Variants in ATF2 observed in about 807,000 individuals in gnomAD.
ATF2 encodes activating transcription factor 2.
ATF2 carries 24 observed loss-of-function variants against 60.6 expected under a neutral mutation model. The ratio of observed to expected loss-of-function variants is 0.40; its 90% CI spans 0.29 to 0.56. The LOEUF (loss-of-function observed/expected upper bound fraction) is 0.56, where lower values mean the gene tolerates loss of function less well. ATF2 is among the 20% of genes least tolerant of loss of function. The pLI is 0.54. For synonymous variants in ATF2, 206 were observed against 215.4 expected, an observed-to-expected ratio of 0.96 and a Z score of 0.38; for missense variants, 433 against 607.7, an observed-to-expected ratio of 0.71 and a Z score of 3.02.
rs1210588745 is a variant in ATF2, at chr2:175,114,627, AAAAATCATTAC to A, written c.626+52_626+62del. On this transcript the variant is annotated intron_variant, in intron 8 of 13. Coordinates refer to ENST00000264110, the MANE Select transcript of ATF2 (RefSeq NM_001880.4). ...AGTTTGAATAATCAAATGTCTTAGGAAAAATCATTACAAAACAAACTTAATTCATGTATATG... is the reference window on the plus strand; with the variant it reads ...AGTTTGAATAATCAAATGTCTTAGGAAAAACAAACTTAATTCATGTATATG... The A allele has an allele frequency of 9.0e-6, 14 of 1,561,354 alleles. No homozygotes were observed. In the Admixed American group the frequency reaches 2.3e-4, roughly 26 times the overall value.
intron 3 of ATF2, among the ~76,000 whole-genome samples, chr2:175,136,096 T>C (rs1559102101): frequency 6.6e-6 from 1 of 151,100 alleles, no homozygotes; most frequent in South Asian, 2.1e-4. Context: ...ACCCAGAGTA[T>C]GGCATTTTTG....
At chr2:175,121,342 T>C (rs1235945876) in intron 5 of ATF2, 102 bp downstream of exon 5, 4 of 633,244 alleles carry the variant, frequency 6.3e-6, no homozygotes, top group Non-Finnish European at 7.4e-6. Flanking sequence ...AATGAAGTCA[T>C]TGGAATATCA....
chr2:175,117,959 C>A, intron 7 of ATF2, 31 bp downstream of exon 7: 2 of 1,577,654 alleles, frequency 1.3e-6, no homozygotes, highest in South Asian at 1.2e-5. Context: ...CTGTTCCTCC[C>A]CCTTACTTTG....
chr2:175,138,316 T>C (rs1302356922), intron 2 of ATF2, among the ~76,000 whole-genome samples: 1 of 152,210 alleles, frequency 6.6e-6, no homozygotes, highest in Non-Finnish European at 1.5e-5. Context: ...CAAATCAAGA[T>C]AGATACCTGC....
chr2:175,092,362 T>C (rs578162811), intron 12 of ATF2: 13 of 162,060 alleles, frequency 8.0e-5, no homozygotes, highest in South Asian at 1.6e-4. Flanking sequence ...CAGTTTAAGA[T>C]TATATAGGAG....
intron 1 of ATF2, among the ~76,000 whole-genome samples, chr2:175,151,699 G>A (rs1699326387): frequency 6.6e-6 from 1 of 152,112 alleles, no homozygotes; most frequent in African/African-American, 2.4e-5. Context: ...ACAACGGAAT[G>A]ACAGAACACT....
intron 13 of ATF2, among the ~76,000 whole-genome samples, chr2:175,075,996 A>T (rs1233230867): frequency 6.6e-6 from 1 of 152,140 alleles, no homozygotes; most frequent in African/African-American, 2.4e-5. Flanking sequence ...AAATCTAAGA[A>T]TGTGTATTGG....
intron 1 of ATF2, among the ~76,000 whole-genome samples, chr2:175,154,225 G>GAAAAAA (rs748103537): frequency 7.1e-6 from 1 of 141,600 alleles, no homozygotes; most frequent in African/African-American, 2.6e-5. Context: ...AAAAAGAAAA[G>GAAAAAA]AAAAAAAAAA....
chr2:175,105,750 G>T (rs1230951491), intron 10 of ATF2, among the ~76,000 whole-genome samples: 1 of 152,034 alleles, frequency 6.6e-6, no homozygotes, highest in African/African-American at 2.4e-5. Flanking sequence ...TGATCTATTA[G>T]AAAATGGAAA....
chr2:175,095,115 TGAGATG>T (rs1271479307), intron 11 of ATF2, among the ~76,000 whole-genome samples: 1 of 151,952 alleles, frequency 6.6e-6, no homozygotes, highest in Non-Finnish European at 1.5e-5. Flanking sequence ...TTTTTTTTTT[TGAGATG>T]GAGTCTCGCT....
intron 10 of ATF2, among the ~76,000 whole-genome samples, chr2:175,103,491 G>A (rs990021317): frequency 3.3e-5 from 5 of 152,008 alleles, no homozygotes; most frequent in African/African-American, 1.2e-4. Context: ...TGATTAGCTC[G>A]GCATGCAGAG....
intron 12 of ATF2, among the ~76,000 whole-genome samples, chr2:175,081,380 C>T (rs1403816279): frequency 6.6e-6 from 1 of 152,142 alleles, no homozygotes; most frequent in African/African-American, 2.4e-5. Flanking sequence ...TTTAAATCTG[C>T]TAAGTCAATG....
At chr2:175,108,071 T>A (rs1394832535) in intron 10 of ATF2, among the ~76,000 whole-genome samples, 1 of 149,482 alleles carries the variant, frequency 6.7e-6, no homozygotes, top group Non-Finnish European at 1.5e-5. Context: ...CTGCCCAGTC[T>A]GGGAAGTGAG....
chr2:175,126,102 T>A (rs1697312420), intron 4 of ATF2, among the ~76,000 whole-genome samples: 1 of 152,216 alleles, frequency 6.6e-6, no homozygotes, highest in African/African-American at 2.4e-5. Flanking sequence ...TGCCCCTTCA[T>A]TGAAAGCTAC....
At chr2:175,157,896 C>G (rs1057263332) in intron 1 of ATF2, among the ~76,000 whole-genome samples, 1 of 151,836 alleles carries the variant, frequency 6.6e-6, no homozygotes, top group African/African-American at 2.4e-5. Context: ...AGAAGGCTAA[C>G]GCAGAGAACT....
chr2:175,074,699 G>T lies in ATF2; in HGVS notation c.1428C>A (p.Val476=). 6.2e-7 allele frequency: 1 copy of T among 1,613,498 alleles called. No individual in the cohort carries two copies. Among genetic ancestry groups the T allele is most frequent in the Non-Finnish European group, 8.5e-7 (1 of 1,179,704 alleles). Residue 476 remains valine, a synonymous_variant, in exon 14 of 14, where the codon GTC becomes GTA. Transcript: ENST00000264110. ...TACTCTGGTCCGCCATCTGGGTGAG[G>T]ACTGAAGTGGCTACAGCTTCTGCCT... ...TSKAEAVATS[V]LTQMADQSTE...
At chr2:175,161,135 A>G (rs1012210717) in intron 1 of ATF2, among the ~76,000 whole-genome samples, 1 of 152,228 alleles carries the variant, frequency 6.6e-6, no homozygotes, top group African/African-American at 2.4e-5. Context: ...TTGATACAGA[A>G]AATGTCTGAG....
At chr2:175,119,106 T>C (rs1266706311) in intron 5 of ATF2, among the ~76,000 whole-genome samples, 1 of 151,646 alleles carries the variant, frequency 6.6e-6, no homozygotes, top group Admixed American at 6.6e-5. Context: ...ACTATGTACA[T>C]TAACATAGGT....
intron 2 of ATF2, among the ~76,000 whole-genome samples, chr2:175,143,873 G>A (rs1012760310): frequency 6.6e-6 from 1 of 151,920 alleles, no homozygotes; most frequent in Admixed American, 6.6e-5. Flanking sequence ...GTTCACTACA[G>A]GCTCCACCTT....
Sources: gnomAD v4.1 joint callset for allele counts (sites outside exome capture counted in the v4.1 genomes callset) on GRCh38, gnomAD v4.1.1 for gene constraint, MANE v1.5 for transcripts, NCBI Gene and HGNC (gene_info 2026-07-23, HGNC 2026-07-21) for gene names.